The following LRRC27 variants were observed in gnomAD, a reference collection of about 807,000 sequenced individuals.
LRRC27 encodes the protein leucine rich repeat containing 27.
In LRRC27, 57 loss-of-function variants were observed where a neutral mutation model predicts 55.0. The ratio of observed to expected loss-of-function variants is 1.04; its 90% CI spans 0.84 to 1.29. The LOEUF (loss-of-function observed/expected upper bound fraction) is 1.29. Ranked by LOEUF, LRRC27 falls within the 50% of genes most tolerant of loss-of-function variation. LRRC27 has a pLI of 0.00. For synonymous variants in LRRC27, 278 were observed against 251.9 expected (o/e 1.10, Z -0.98); for missense variants, 721 against 651.5 (o/e 1.11, Z -1.16).
intron 8 of LRRC27, among the ~76,000 whole-genome samples, chr10:132,360,778 G>T (rs900200559): frequency 6.6e-6 from 1 of 152,182 alleles, no homozygotes; most frequent in Admixed American, 6.5e-5. Context: ...GTAGCCCCTG[G>T]TTGGAAGTTC....
At chr10:132,336,983 C>A in intron 2 of LRRC27, 1 of 425,216 alleles carries the variant, frequency 2.4e-6, no homozygotes, top group Non-Finnish European at 3.1e-6. Flanking sequence ...CCTTATTTGT[C>A]ACGACTTTAC....
chr10:132,353,612 C>T (rs539296892), intron 7 of LRRC27, among the ~76,000 whole-genome samples: 15 of 152,280 alleles, frequency 9.9e-5, no homozygotes, highest in Admixed American at 2.6e-4. Context: ...GCTGACTGAC[C>T]GCTCTAGGGC....
rs938814861 is a variant in LRRC27 at position 132,355,040 on chromosome 10, T to G, written c.1074-750T>G. Among the ~76,000 whole-genome samples the G allele has an allele frequency of 5.9e-5, 9 of 152,346 alleles. No individual in the cohort carries two copies. In the South Asian group the frequency reaches 1.9e-3, roughly 32 times the overall value. On this transcript the variant is annotated intron_variant, in intron 7 of 10. Transcript: ENST00000368614. ...TGAGGAGGGAGCATGTGACTCTGGC[T>G]GCAGACTGCGGAGGCCCGAAGACGC...
At chr10:132,375,042 C>G in intron 10 of LRRC27, 24 bp from the exon 11 acceptor site, 1 of 1,595,082 alleles carries the variant, frequency 6.3e-7, no homozygotes, top group Non-Finnish European at 8.6e-7. Flanking sequence ...TTTCTAACAT[C>G]TCCCCCTCCT....
intron 8 of LRRC27, among the ~76,000 whole-genome samples, chr10:132,359,688 C>A (rs914238084): frequency 6.6e-6 from 1 of 152,246 alleles, no homozygotes; most frequent in Non-Finnish European, 1.5e-5. Context: ...GAGGCTGCGG[C>A]TGCTGAAAGG....
At chr10:132,352,983 G>C in intron 7 of LRRC27, 2 of 1,613,400 alleles carry the variant, frequency 1.2e-6, no homozygotes, top group Non-Finnish European at 1.7e-6. Flanking sequence ...CCACCACCTT[G>C]CGAGGTGTGT....
chr10:132,364,800 A>G (rs2068962001), intron 9 of LRRC27, among the ~76,000 whole-genome samples: 4 of 121,452 alleles, frequency 3.3e-5, no homozygotes. Flanking sequence ...ACTCACACCC[A>G]CCCACACTTA....
At position 132,379,027 on chromosome 10, in the gene LRRC27, G is replaced by A. The variant is rs1180681276; in HGVS notation, c.*3785G>A. On this transcript the variant is annotated 3_prime_UTR_variant, in exon 11 of 11. Coordinates refer to ENST00000368614, the MANE Select transcript of LRRC27 (RefSeq NM_030626.3). Reference sequence around the variant, plus strand: ...TTTCCTCTCACCTCCGTGTTCTCGGGGAGTGCGTGGTGTCAGATCCCATCC... The same window carrying A: ...TTTCCTCTCACCTCCGTGTTCTCGGAGAGTGCGTGGTGTCAGATCCCATCC... The A allele has an allele frequency of 6.7e-6, 1 of 148,462 alleles. No homozygotes were observed. Among genetic ancestry groups the A allele is most frequent in the Non-Finnish European group, 1.5e-5 (1 of 67,552 alleles). 9.2% of individuals were successfully genotyped at this position (148,462 alleles called of 1,614,324 possible).
intron 4 of LRRC27, 74 bp downstream of exon 4, chr10:132,342,345 T>C: frequency 2.1e-6 from 2 of 974,906 alleles, no homozygotes; most frequent in Non-Finnish European, 3.0e-6. Flanking sequence ...AATGGAAGTA[T>C]CAGGCATGAC....
rs1404923182 is a variant in LRRC27 at position 132,345,694 on chromosome 10, G to A, written c.553+1044G>A. Reference sequence around the variant, plus strand: ...GGCAGGTAGCTGAGGGCATGGGGTGGCCGAGGAGAGATAGGACCAGGACCT... The same window carrying A: ...GGCAGGTAGCTGAGGGCATGGGGTGACCGAGGAGAGATAGGACCAGGACCT... On this transcript the variant is annotated intron_variant, in intron 5 of 10. Coordinates refer to ENST00000368614, the MANE Select transcript of LRRC27 (RefSeq NM_030626.3). Among the ~76,000 whole-genome samples the A allele has an allele frequency of 3.3e-5, 5 of 152,306 alleles. No homozygotes were observed. The South Asian group carries it at 1.0e-3, about 32-fold the overall frequency.
At chr10:132,347,347 G>A (rs538497386) in intron 5 of LRRC27, among the ~76,000 whole-genome samples, 1 of 149,496 alleles carries the variant, frequency 6.7e-6, no homozygotes, top group Non-Finnish European at 1.5e-5. Flanking sequence ...CGCGTGTCCG[G>A]TGGGGCCCGT....
At chr10:132,364,314 C>G (rs938652179) in intron 9 of LRRC27, among the ~76,000 whole-genome samples, 1 of 97,628 alleles carries the variant, frequency 1.0e-5, no homozygotes, top group Non-Finnish European at 2.3e-5. Context: ...CGCACCAACA[C>G]CCACACCACA....
chr10:132,344,894 A>G, intron 5 of LRRC27: 1 of 377,126 alleles, frequency 2.7e-6, no homozygotes, highest in Non-Finnish European at 4.8e-6. Flanking sequence ...GTAGAAGTTT[A>G]TTGTGATCAA....
chr10:132,377,797 A>G lies in LRRC27; in HGVS notation c.*2555A>G, dbSNP rs2069356896. 6.6e-6 allele frequency: 1 copy of G among 152,186 alleles called. No homozygotes were observed. Among genetic ancestry groups the G allele is most frequent in the African/African-American group, 2.4e-5 (1 of 41,456 alleles). 9.4% of individuals were successfully genotyped at this position (152,186 alleles called of 1,614,324 possible). On this transcript the variant is annotated 3_prime_UTR_variant, in exon 11 of 11. Coordinates refer to ENST00000368614, the MANE Select transcript of LRRC27 (RefSeq NM_030626.3). ...AATTTAGTTCGCCTTTATTCTGCAC[A>G]GGACAGAATTCTAGGTGGATGATTT...
chr10:132,366,800 C>T (rs1158042690), intron 10 of LRRC27: 2 of 1,214,036 alleles, frequency 1.6e-6, no homozygotes, highest in Non-Finnish European at 2.1e-6. Flanking sequence ...CACACCCCAT[C>T]TGCAGGCTCC....
rs1467701037 is a variant in LRRC27 at position 132,348,148 on chromosome 10, C to A, written c.718C>A (p.Leu240Met). The change falls in exon 6 of 11, where the codon CTG (leucine) becomes ATG (methionine). Residue 240 changes from leucine (L) to methionine (M), a missense_variant. Physicochemically the swap from Leu to Met is conservative, Grantham distance 15. Coordinates refer to ENST00000368614, the MANE Select transcript of LRRC27 (RefSeq NM_030626.3). The surrounding 1 kb of genome is among the most constrained non-coding windows in gnomAD (Gnocchi z 4.2). ...TCTCCCACCTGTGGAAAAGCCAGAC[C>A]TGAGTGAACTCAGGAAGTCTGCGGA... ...SFLPPVEKPD[L>M]SELRKSADSS... The A allele has an allele frequency of 6.2e-7, 1 of 1,614,108 alleles. No homozygotes were observed. Among genetic ancestry groups the A allele is most frequent in the East Asian group, 2.2e-5 (1 of 44,878 alleles).
At position 132,380,713 on chromosome 10, in the gene LRRC27, C is replaced by T. The variant is rs966016052; in HGVS notation, c.*5471C>T. Among the ~76,000 whole-genome samples the T allele has an allele frequency of 1.3e-5, 2 of 152,180 alleles. No homozygotes were observed. Among genetic ancestry groups the T allele is most frequent in the African/African-American group, 4.8e-5 (2 of 41,440 alleles). On this transcript the variant is annotated 3_prime_UTR_variant, in exon 11 of 11. Transcript: ENST00000368614. ...TGTATTTTTCATGTTGAGCGCAATA[C>T]TGTAAACCTTGAAGAACACTTTGGG...
chr10:132,347,232 A>G (rs562830245), intron 5 of LRRC27, among the ~76,000 whole-genome samples: 2 of 152,378 alleles, frequency 1.3e-5, no homozygotes, highest in East Asian at 3.9e-4. Context: ...CACATGCAAA[A>G]AGTCCCTCCA....
chr10:132,371,399 T>C lies in LRRC27; in HGVS notation c.1417-3667T>C, dbSNP rs145744711. Among the ~76,000 whole-genome samples, 68 of 152,262 alleles carry C rather than the reference T, an allele frequency of 4.5e-4. 1 individual carries two copies. In the East Asian group the frequency reaches 0.012, roughly 28 times the overall value. On this transcript the variant is annotated intron_variant, in intron 10 of 10. Coordinates refer to ENST00000368614, the MANE Select transcript of LRRC27 (RefSeq NM_030626.3). ...AAAGCCCAGAGGTATGAAAAGGAGA[T>C]GCTGAAAGCAAACCAGCCAACAGAC...
Sources: allele counts gnomAD v4.1 joint callset (sites outside exome capture counted in the v4.1 genomes callset), GRCh38; gene constraint gnomAD v4.1.1; non-coding constraint Gnocchi (gnomAD v3.1); transcripts MANE v1.5; gene names NCBI Gene and HGNC (gene_info 2026-07-23, HGNC 2026-07-21).